Variants in C1D observed in about 807,000 individuals in gnomAD.
C1D encodes C1D nuclear receptor corepressor.
A neutral mutation model predicts 17.5 loss-of-function variants in C1D; 10 were observed. That is an observed-to-expected ratio of 0.57 (90% CI 0.35 to 0.97). The LOEUF is 0.97. C1D is among the 50% of genes least tolerant of loss of function. C1D has a pLI of 0.01. For synonymous variants in C1D, 49 were observed against 54.0 expected (o/e 0.91, Z 0.40); for missense variants, 136 against 160.1 (o/e 0.85, Z 0.81).
chr2:68,047,299 T>C lies in C1D; in HGVS notation c.12A>G (p.Glu4=), dbSNP rs72906856. 2.7e-3 allele frequency: 4,322 copies of C among 1,609,026 alleles called. 109 individuals are homozygous for C. The African/African-American group carries it at 0.045, about 17-fold the overall frequency. The change falls in exon 2 of 5, where the codon GAA becomes GAG. Residue 4 remains glutamate (E), a synonymous_variant. Coordinates refer to ENST00000410067, the MANE Select transcript of C1D (RefSeq NM_173177.3). MAG[E]EINEDYPVEI... Reference sequence around the variant, plus strand: ...CTACTGGATAGTCTTCATTAATTTCTTCACCTGCCATTATGGCTGACTGGA... The same window carrying C: ...CTACTGGATAGTCTTCATTAATTTCCTCACCTGCCATTATGGCTGACTGGA...
intron 1 of C1D, among the ~76,000 whole-genome samples, chr2:68,051,653 C>T (rs530609206): frequency 6.6e-6 from 1 of 152,264 alleles, no homozygotes; most frequent in South Asian, 2.1e-4. Context: ...TCTTCCCCCA[C>T]GACATCAGGC....
At chr2:68,057,475 G>T (rs147832740) in intron 1 of C1D, among the ~76,000 whole-genome samples, 646 of 151,918 alleles carry the variant, frequency 4.3e-3, no homozygotes, top group African/African-American at 0.015. Flanking sequence ...TTATTTTGAA[G>T]AAAAAAAGAT....
chr2:68,052,715 G>A, intron 1 of C1D, among the ~76,000 whole-genome samples: 1 of 152,036 alleles, frequency 6.6e-6, no homozygotes, highest in East Asian at 1.9e-4. Context: ...AGACAAGGGG[G>A]ACTAAAAAAT....
intron 1 of C1D, among the ~76,000 whole-genome samples, chr2:68,062,621 T>G (rs1671667872): frequency 6.6e-6 from 1 of 152,218 alleles, no homozygotes; most frequent in South Asian, 2.1e-4. Context: ...AAGACTTCAA[T>G]GTTTTTTGAT....
At chr2:68,046,316 CTAAT>C (rs751725656) in intron 3 of C1D, 24 bp downstream of exon 3, 2 of 1,515,490 alleles carry the variant, frequency 1.3e-6, no homozygotes, top group Admixed American at 1.8e-5. Context: ...AATTTGCTTT[CTAAT>C]TAATTCCAAA....
In C1D at chr2:68,054,705, T is replaced by C. The variant is rs369076361; in HGVS notation, c.-9-7386A>G. Among the ~76,000 whole-genome samples, 24 of 152,104 alleles carry C rather than the reference T, an allele frequency of 1.6e-4. No individual in the cohort carries two copies. The East Asian group carries it at 4.6e-3, about 29-fold the overall frequency. On this transcript the variant is annotated intron_variant, in intron 1 of 4. Coordinates refer to ENST00000410067, the MANE Select transcript of C1D (RefSeq NM_173177.3). The stretch of plus-strand genomic sequence containing the variant: ...AGCCAGGCACCATGGCTCACATCTG[T>C]AATTCCAACACTTTGGGAGACTGAC...
At position 68,043,011 on chromosome 2, in the gene C1D, C is replaced by CT. The variant is rs903260925; in HGVS notation, c.303dup (p.Asp102ArgfsTer35). The CT allele has an allele frequency of 1.2e-6, 2 of 1,610,150 alleles. No individual in the cohort carries two copies. The stretch of plus-strand genomic sequence containing the variant: ...TCCAGCTTGCCAGCCTTTTTCTTGT[C>CT]TGTTATTTCCTTGACTCTGTTCATA... On this transcript the variant is annotated frameshift_variant, in exon 5 of 5. Transcript: ENST00000410067. LOFTEE classifies it high-confidence loss of function.
intron 1 of C1D, among the ~76,000 whole-genome samples, chr2:68,055,635 T>C (rs1484867466): frequency 1.3e-5 from 2 of 152,218 alleles, no homozygotes; most frequent in East Asian, 1.9e-4. Flanking sequence ...GACAAAGTAC[T>C]AGATGACACC....
intron 4 of C1D, among the ~76,000 whole-genome samples, chr2:68,044,297 T>C (rs556882571): frequency 7.9e-5 from 12 of 152,384 alleles, no homozygotes; most frequent in African/African-American, 2.9e-4. Flanking sequence ...TTGGAAATAA[T>C]GCCTAGCTCC....
rs1670964195 is a variant in C1D, at chr2:68,041,744, A to C, written c.*1145T>G. The stretch of plus-strand genomic sequence containing the variant: ...CTTATGGAGAATTAATCACACAGAA[A>C]ATTTTAACAACTCCTTTTTCAAAAA... On this transcript the variant is annotated 3_prime_UTR_variant, in exon 5 of 5. Transcript: ENST00000410067. 1 of 152,030 alleles carries C rather than the reference A, an allele frequency of 6.6e-6. No individual in the cohort carries two copies. The highest frequency in any genetic ancestry group is 2.1e-4 in the South Asian group (1 of 4,828). 9.4% of individuals were successfully genotyped at this position (152,030 alleles called of 1,614,324 possible).
chr2:68,052,806 T>C (rs1473348330), intron 1 of C1D, among the ~76,000 whole-genome samples: 1 of 152,162 alleles, frequency 6.6e-6, no homozygotes, highest in Non-Finnish European at 1.5e-5. Flanking sequence ...TGCTGAGTAT[T>C]TATTCCTTCC....
intron 1 of C1D, among the ~76,000 whole-genome samples, chr2:68,060,722 CAATAAAGTAA>C (rs1671604253): frequency 1.3e-5 from 2 of 151,932 alleles, no homozygotes; most frequent in African/African-American, 2.4e-5. Context: ...AAACAAAAGA[CAATAAAGTAA>C]AATAAAATAA....
At chr2:68,060,902 A>G (rs1296762338) in intron 1 of C1D, among the ~76,000 whole-genome samples, 1 of 152,180 alleles carries the variant, frequency 6.6e-6, no homozygotes, top group Non-Finnish European at 1.5e-5. Flanking sequence ...GTTAGTTAGC[A>G]ACTATTTGTT....
intron 1 of C1D, among the ~76,000 whole-genome samples, chr2:68,061,379 C>G (rs1671624450): frequency 6.6e-6 from 1 of 152,084 alleles, no homozygotes; most frequent in Non-Finnish European, 1.5e-5. Flanking sequence ...ATATTAACAT[C>G]TAAAAATAAA....
intron 1 of C1D, among the ~76,000 whole-genome samples, chr2:68,052,245 TC>T (rs1477397905): frequency 5.3e-5 from 8 of 152,078 alleles, no homozygotes; most frequent in Non-Finnish European, 1.0e-4. Context: ...TAGAAAAAGG[TC>T]TGGAAAGAAC....
chr2:68,046,533 TC>T, intron 2 of C1D, 123 bp from the exon 3 acceptor site: 1 of 627,372 alleles, frequency 1.6e-6, no homozygotes, highest in Non-Finnish European at 2.8e-6. Context: ...GAAGTTTTTT[TC>T]ACTTCATATA....
chr2:68,058,038 G>A (rs1671489086), intron 1 of C1D, among the ~76,000 whole-genome samples: 1 of 152,134 alleles, frequency 6.6e-6, no homozygotes, highest in South Asian at 2.1e-4. Flanking sequence ...ATTCACAAAA[G>A]ACATAAATTA....
intron 1 of C1D, among the ~76,000 whole-genome samples, chr2:68,051,540 A>G (rs994534424): frequency 6.6e-6 from 1 of 152,162 alleles, no homozygotes; most frequent in Admixed American, 6.5e-5. Flanking sequence ...AAAAATCCTT[A>G]CAGTGGGTTC....
intron 1 of C1D, among the ~76,000 whole-genome samples, chr2:68,048,125 T>C (rs1296163322): frequency 2.0e-5 from 3 of 152,036 alleles, no homozygotes; most frequent in Non-Finnish European, 4.4e-5. Flanking sequence ...AGAGGAAACT[T>C]GGGGGAAATA....
Sources: allele counts gnomAD v4.1 joint callset (sites outside exome capture counted in the v4.1 genomes callset), GRCh38; gene constraint gnomAD v4.1.1; transcripts MANE v1.5; gene names NCBI Gene and HGNC (gene_info 2026-07-23, HGNC 2026-07-21).